DLG2: variants seen among roughly 807,000 people sequenced by gnomAD.
DLG2 encodes discs large MAGUK scaffold protein 2.
A neutral mutation model predicts 132.5 loss-of-function variants in DLG2; 45 were observed. The observed-to-expected ratio is 0.34, with a 90% CI of 0.27 to 0.44. The LOEUF (loss-of-function observed/expected upper bound fraction) is 0.44. Ranked by LOEUF, DLG2 falls within the 20% of genes least tolerant of loss-of-function variation. The pLI is 1.00. For synonymous variants in DLG2, 424 were observed against 419.6 expected (o/e 1.01, Z -0.13); for missense variants, 1,045 against 1,196.9 (o/e 0.87, Z 1.87).
chr11:84,720,515 C>T (rs975142300), intron 6 of DLG2: 12 of 983,954 alleles, frequency 1.2e-5, no homozygotes, highest in African/African-American at 1.7e-5. Context: ...CTGCACCCGC[C>T]GTGGCCATCC....
intron 17 of DLG2, among the ~76,000 whole-genome samples, chr11:83,787,617 G>A (rs1035588009): frequency 3.3e-5 from 5 of 151,986 alleles, no homozygotes; most frequent in Admixed American, 6.6e-5. Context: ...CACCGCGCCC[G>A]GCCGCCTTGT....
At chr11:83,524,073 G>A (rs1004157055) in intron 21 of DLG2, among the ~76,000 whole-genome samples, 2 of 152,302 alleles carry the variant, frequency 1.3e-5, no homozygotes, top group East Asian at 1.9e-4. Context: ...AAGGGTGAGA[G>A]TTTAAGAGGT....
chr11:85,262,673 G>A (rs780988550), intron 4 of DLG2, among the ~76,000 whole-genome samples: 2 of 152,170 alleles, frequency 1.3e-5, no homozygotes, highest in Non-Finnish European at 2.9e-5. Flanking sequence ...TTAGATGAAT[G>A]CACACTTACA....
chr11:83,869,956 C>T (rs1386798155), intron 16 of DLG2, among the ~76,000 whole-genome samples: 1 of 152,178 alleles, frequency 6.6e-6, no homozygotes, highest in Non-Finnish European at 1.5e-5. Context: ...GCTGAAGATA[C>T]TTCTTACTCT....
chr11:85,276,807 C>T (rs1318097023), intron 4 of DLG2, among the ~76,000 whole-genome samples: 1 of 152,042 alleles, frequency 6.6e-6, no homozygotes, highest in African/African-American at 2.4e-5. Flanking sequence ...ATACTTACTG[C>T]CTAAAAAGCT....
chr11:85,449,842 T>C (rs2092165654), intron 3 of DLG2, among the ~76,000 whole-genome samples: 1 of 150,510 alleles, frequency 6.6e-6, no homozygotes, highest in African/African-American at 2.4e-5. Flanking sequence ...ATGACGTAAA[T>C]TTTGACTAGG....
intron 3 of DLG2, among the ~76,000 whole-genome samples, chr11:85,347,974 T>G (rs1177294189): frequency 8.7e-6 from 1 of 114,766 alleles, no homozygotes. Flanking sequence ...TAACTTTTTT[T>G]TTTTTTTTTT....
At chr11:83,468,152 T>A (rs568213742) in intron 25 of DLG2, among the ~76,000 whole-genome samples, 81 of 152,048 alleles carry the variant, frequency 5.3e-4, no homozygotes, top group Non-Finnish European at 7.9e-4. Flanking sequence ...ATAGGAACAA[T>A]ACTAAATCAA....
chr11:84,420,667 T>TTTTC (rs1428848623), intron 7 of DLG2, among the ~76,000 whole-genome samples: 14 of 72,930 alleles, frequency 1.9e-4, no homozygotes, highest in Non-Finnish European at 3.2e-4. Flanking sequence ...TTTTTTTTTT[T>TTTTC]TTTTTTTTTT....
intron 6 of DLG2, among the ~76,000 whole-genome samples, chr11:84,754,936 A>T (rs1368456543): frequency 6.6e-6 from 1 of 152,184 alleles, no homozygotes; most frequent in Non-Finnish European, 1.5e-5. Flanking sequence ...TTTTTCTGTG[A>T]ACCTAAAACT....
At chr11:85,559,745 AAAAAAGCGAGGTAT>A (rs2077125631) in intron 3 of DLG2, among the ~76,000 whole-genome samples, 1 of 151,638 alleles carries the variant, frequency 6.6e-6, no homozygotes, top group Non-Finnish European at 1.5e-5. Context: ...AACTAACAAC[AAAAAAGCGAGGTAT>A]CTTAAATCTC....
At chr11:83,781,178 G>T (rs966201765) in intron 18 of DLG2, among the ~76,000 whole-genome samples, 2 of 152,144 alleles carry the variant, frequency 1.3e-5, no homozygotes, top group East Asian at 3.9e-4. Context: ...TTAGATCTTT[G>T]TTCAAATATC....
At chr11:83,790,134 T>C (rs986645645) in intron 17 of DLG2, 1 of 868,318 alleles carries the variant, frequency 1.2e-6, no homozygotes, top group Non-Finnish European at 1.8e-6. Flanking sequence ...ACAAGGTAAG[T>C]TGCAGATCCA....
intron 22 of DLG2, among the ~76,000 whole-genome samples, chr11:83,476,211 A>G (rs1443498566): frequency 6.6e-6 from 1 of 152,120 alleles, no homozygotes; most frequent in Non-Finnish European, 1.5e-5. Flanking sequence ...AGAGTCATAG[A>G]ATGCTAGTGC....
At chr11:83,536,744 GTAAA>G in intron 20 of DLG2, among the ~76,000 whole-genome samples, 1 of 151,926 alleles carries the variant, frequency 6.6e-6, no homozygotes, top group South Asian at 2.1e-4. Flanking sequence ...TGTTGAATGA[GTAAA>G]TAAATAAACT....
intron 6 of DLG2, among the ~76,000 whole-genome samples, chr11:85,069,425 G>C (rs565982778): frequency 2.0e-5 from 3 of 152,146 alleles, no homozygotes; most frequent in Admixed American, 6.5e-5. Flanking sequence ...CTAATATCCA[G>C]AATCTACCAA....
chr11:84,221,094 G>A (rs2154325611), intron 8 of DLG2, among the ~76,000 whole-genome samples: 1 of 151,820 alleles, frequency 6.6e-6, no homozygotes, highest in South Asian at 2.1e-4. Context: ...ATGAGGCACT[G>A]CACCTGGTCA....
intron 10 of DLG2, among the ~76,000 whole-genome samples, chr11:84,080,098 T>A (rs1047642446): frequency 6.6e-6 from 1 of 152,104 alleles, no homozygotes; most frequent in African/African-American, 2.4e-5. Context: ...AGGTCCATGG[T>A]GGCAAAGATC....
intron 9 of DLG2, among the ~76,000 whole-genome samples, chr11:84,112,661 T>A (rs1001154516): frequency 6.6e-6 from 1 of 152,168 alleles, no homozygotes; most frequent in Admixed American, 6.5e-5. Context: ...TAAAATAACT[T>A]CCCTTTAAAA....
Sources: gnomAD v4.1 joint callset for allele counts (sites outside exome capture counted in the v4.1 genomes callset) on GRCh38, gnomAD v4.1.1 for gene constraint, MANE v1.5 for transcripts, NCBI Gene and HGNC (gene_info 2026-07-23, HGNC 2026-07-21) for gene names.